The following NAIP variants were observed in gnomAD, a reference collection of about 807,000 sequenced individuals.
NAIP encodes the protein baculoviral IAP repeat-containing protein 1.
NAIP carries 15 observed loss-of-function variants against 23.0 expected under a neutral mutation model. That is an observed-to-expected ratio of 0.65 (90% CI 0.44 to 1.00). NAIP has a LOEUF of 1.00. NAIP is among the 50% of genes least tolerant of loss of function. The pLI, the probability that NAIP is intolerant of heterozygous loss-of-function variation, is 0.00. For missense variants in NAIP, 265 were observed against 278.8 expected (o/e 0.95, Z 0.35); for synonymous variants, 100 against 100.2 (o/e 1.00, Z 0.01).
At chr5:71,010,563 G>A (rs890257632) in intron 5 of NAIP, among the ~76,000 whole-genome samples, 1 of 150,974 alleles carries the variant, frequency 6.6e-6, no homozygotes, top group Non-Finnish European at 1.5e-5. Flanking sequence ...CACCGCGCCT[G>A]GCCAATTTTT....
At chr5:70,996,286 AAAAG>A (rs1227930794) in intron 9 of NAIP, among the ~76,000 whole-genome samples, 47 of 46,318 alleles carry the variant, frequency 1.0e-3, no homozygotes, top group African/African-American at 2.8e-3. Context: ...AAAAAAAAGA[AAAAG>A]AAAAAAAAAA....
At position 71,012,487 on chromosome 5, in the gene NAIP, C is replaced by A. The variant is rs1158461631; in HGVS notation, c.429G>T (p.Lys143Asn). The A allele has an allele frequency of 6.2e-7, 1 of 1,611,740 alleles. No individual in the cohort carries two copies. The highest frequency in any genetic ancestry group is 8.5e-7 in the Non-Finnish European group (1 of 1,178,488). ...GNIAKYDIRV[K>N]NLKSRLRGGK... is the part of the protein sequence containing the mutation. The stretch of plus-strand genomic sequence containing the variant: ...CTCCTCTCAGCCTGCTCTTCAGATT[C>A]TTCACCCTTATGTCGTACTTGGCAA... The change falls in exon 4 of 17, where the codon AAG (lysine) becomes AAT (asparagine). Residue 143 changes from lysine to asparagine, a missense_variant. By Grantham distance (94) the Lys-to-Asn change is moderately conservative (BLOSUM62 0). Around this residue, in one of 2 missense-constraint regions of NAIP, gnomAD observed 261 missense variants for 259.2 expected, o/e 1.01. Coordinates refer to ENST00000517649, the MANE Select transcript of NAIP (RefSeq NM_004536.3).
intron 3 of NAIP, 89 bp from the exon 4 acceptor site, chr5:71,013,007 T>A: frequency 8.7e-7 from 1 of 1,148,380 alleles, no homozygotes; most frequent in Non-Finnish European, 1.2e-6. Flanking sequence ...AACCAGGAAT[T>A]AAAGGAATGC....
At chr5:71,016,060 G>A (rs540119991) in intron 3 of NAIP, among the ~76,000 whole-genome samples, 1 of 148,000 alleles carries the variant, frequency 6.8e-6, no homozygotes, top group African/African-American at 2.5e-5. Context: ...CGGGAGGATT[G>A]CTTGAGACCA....
At chr5:71,013,061 A>C in intron 3 of NAIP, 143 bp from the exon 4 acceptor site, 2 of 802,884 alleles carry the variant, frequency 2.5e-6, no homozygotes, top group Non-Finnish European at 3.8e-6. Flanking sequence ...AAATTATGAA[A>C]CATCAGTATT....
intron 9 of NAIP, among the ~76,000 whole-genome samples, chr5:70,996,815 TAAG>T (rs1450580791): frequency 3.4e-5 from 4 of 116,692 alleles, no homozygotes; most frequent in Non-Finnish European, 7.3e-5. Flanking sequence ...AAAAAAAAAT[TAAG>T]CAGATGGCTA....
At chr5:71,011,423 G>T (rs1476041460) in intron 4 of NAIP, 49 bp from the exon 5 acceptor site, 2 of 1,405,826 alleles carry the variant, frequency 1.4e-6, no homozygotes, top group South Asian at 1.2e-5. Flanking sequence ...GCACCAGGGG[G>T]TATGTACACA....
chr5:71,016,562 TTTGCAAAATGTTCATG>T (rs1458521968), intron 3 of NAIP, among the ~76,000 whole-genome samples: 1 of 151,208 alleles, frequency 6.6e-6, no homozygotes, highest in East Asian at 1.9e-4. Context: ...TTGCTTTCAC[TTTGCAAAATGTTCATG>T]TTGGTAGAGG....
intron 5 of NAIP, 71 bp downstream of exon 5, chr5:71,011,204 G>A (rs1751136079): frequency 8.4e-7 from 1 of 1,187,772 alleles, no homozygotes; most frequent in Admixed American, 2.3e-5. Context: ...CTATACTCCA[G>A]CCTGGGTGGC....
At position 71,025,070 on chromosome 5, in the gene NAIP, C is replaced by A. The variant is rs1357495798; in HGVS notation, c.-674G>T. On this transcript the variant is annotated 5_prime_UTR_variant, in exon 1 of 17. Coordinates refer to ENST00000517649, the MANE Select transcript of NAIP (RefSeq NM_004536.3). ...TTCTAATAAAAGATGTTTCTATCAC[C>A]CCTGTCACTCAGGAAATTACAAGGG... 1.6e-4 allele frequency: 5 copies of A among 31,774 alleles called. 1 individual carries two copies. Among genetic ancestry groups the A allele is most frequent in the African/African-American group, 5.5e-4 (5 of 9,130 alleles). The allele number at this position is 31,774 out of a possible 1,614,324, so 2.0% of individuals were successfully genotyped here.
chr5:71,011,737 G>T, intron 4 of NAIP: 1 of 443,050 alleles, frequency 2.3e-6, no homozygotes, highest in Non-Finnish European at 4.3e-6. Flanking sequence ...TGACATTTCG[G>T]TAGAAACATA....
chr5:71,010,409 C>CT (rs1751093807), intron 5 of NAIP, among the ~76,000 whole-genome samples: 2 of 151,694 alleles, frequency 1.3e-5, no homozygotes, highest in African/African-American at 4.8e-5. Context: ...GCTGGGACTA[C>CT]AGGCACCCGC....
chr5:70,978,140 T>TAC (rs1750371391), intron 13 of NAIP, among the ~76,000 whole-genome samples: 1 of 41,088 alleles, frequency 2.4e-5, no homozygotes, highest in African/African-American at 5.4e-5. Flanking sequence ...CATATATATA[T>TAC]ATATATATAT....
intron 3 of NAIP, among the ~76,000 whole-genome samples, chr5:71,017,846 C>CTTTT (rs1173570781): frequency 7.4e-4 from 68 of 91,534 alleles, no homozygotes; most frequent in African/African-American, 3.2e-3. Flanking sequence ...CAGCCCTTTC[C>CTTTT]TTTTTTTTTT....
intron 6 of NAIP, among the ~76,000 whole-genome samples, chr5:71,002,493 C>T (rs1271445442): frequency 2.0e-5 from 3 of 149,896 alleles, no homozygotes. Flanking sequence ...ACTACAAGCT[C>T]CGCCTCCCAG....
At position 71,012,382 on chromosome 5, in the gene NAIP, A is replaced by C. The variant is rs747196079; in HGVS notation, c.534T>G (p.Pro178=). ...CAAAGCCAGCCTCTGAGAGCACACA[A>C]GGGGATATCCCTTGGACATAAAATG... ...NWPFYVQGIS[P]CVLSEAGFVF... Residue 178 remains proline, a synonymous_variant, in exon 4 of 17, where the codon CCT becomes CCG. Coordinates refer to ENST00000517649, the MANE Select transcript of NAIP (RefSeq NM_004536.3). The C allele has an allele frequency of 2.5e-6, 4 of 1,611,232 alleles. No individual in the cohort carries two copies. Among genetic ancestry groups the C allele is most frequent in the Non-Finnish European group, 2.5e-6 (3 of 1,178,186 alleles).
intron 3 of NAIP, among the ~76,000 whole-genome samples, chr5:71,015,206 T>C (rs1212746885): frequency 6.6e-6 from 1 of 151,456 alleles, no homozygotes; most frequent in Non-Finnish European, 1.5e-5. Flanking sequence ...GTGAGATCCT[T>C]GTCTCTACAA....
rs572806233 is a variant in NAIP, at chr5:71,011,818, T to C, written c.569-444A>G. 220 of 425,598 alleles carry C rather than the reference T, an allele frequency of 5.2e-4. 3 individuals are homozygous for C. Among genetic ancestry groups the C allele is most frequent in the South Asian group, 3.5e-3 (192 of 55,418 alleles). 26.4% of individuals were successfully genotyped at this position (425,598 alleles called of 1,614,324 possible). The stretch of plus-strand genomic sequence containing the variant: ...AATGGGAGAGAAAGGGGTAAATTCA[T>C]TGGATAAGAATTAGTACTCACTCTA... On this transcript the variant is annotated intron_variant, in intron 4 of 16. Coordinates refer to ENST00000517649, the MANE Select transcript of NAIP (RefSeq NM_004536.3).
intron 5 of NAIP, among the ~76,000 whole-genome samples, chr5:71,009,645 G>A (rs1457097108): frequency 6.6e-6 from 1 of 151,346 alleles, no homozygotes; most frequent in African/African-American, 2.4e-5. Context: ...AGCCAAGATC[G>A]TACCACTGGG....
Sources: gnomAD v4.1 joint callset for allele counts (sites outside exome capture counted in the v4.1 genomes callset) on GRCh38, gnomAD v4.1.1 for gene constraint, gnomAD v4.1.1 regional missense constraint, MANE v1.5 for transcripts, NCBI Gene and HGNC (gene_info 2026-07-23, HGNC 2026-07-21) for gene names.